Variants in SYNPR observed in about 807,000 individuals in gnomAD.
The protein encoded by SYNPR is synaptoporin.
A neutral mutation model predicts 32.9 loss-of-function variants in SYNPR; 23 were observed. That is an observed-to-expected ratio of 0.70 (90% CI 0.50 to 0.99). The LOEUF is 0.99. SYNPR is among the 50% of genes least tolerant of loss of function. The pLI, the probability that SYNPR is intolerant of heterozygous loss-of-function variation, is 0.00. For synonymous variants in SYNPR, 146 were observed against 135.9 expected (o/e 1.07, Z -0.52); for missense variants, 318 against 349.3 (o/e 0.91, Z 0.71).
At position 63,437,591 on chromosome 3, in the gene SYNPR, GAGAA is replaced by G. The variant is rs537130292; in HGVS notation, c.85-43232_85-43229del. 4.9e-5 allele frequency among the ~76,000 whole-genome samples: 7 copies of G among 143,676 alleles called. No individual in the cohort carries two copies. The South Asian group carries it at 1.5e-3, about 31-fold the overall frequency. 94.3% of individuals were successfully genotyped at this position (143,676 alleles called of 152,430 possible). On this transcript the variant is annotated intron_variant, in intron 2 of 5. Coordinates refer to ENST00000478300, the MANE Select transcript of SYNPR (RefSeq NM_001130003.2). ...GAAAGAAAGAAGAGTGAGAGAGAGAGAGAAAGAAAGAAGAAAGGAAAAAGGGAAG... is the reference window on the plus strand; with the variant it reads ...GAAAGAAAGAAGAGTGAGAGAGAGAGAGAAAGAAGAAAGGAAAAAGGGAAG...
chr3:63,373,468 A>G (rs574906892), intron 2 of SYNPR, among the ~76,000 whole-genome samples: 1 of 152,330 alleles, frequency 6.6e-6, no homozygotes, highest in South Asian at 2.1e-4. Context: ...CACCAAGCTG[A>G]GGAAACAATC....
intron 2 of SYNPR, among the ~76,000 whole-genome samples, chr3:63,296,463 G>A (rs1374628012): frequency 6.6e-6 from 1 of 152,142 alleles, no homozygotes; most frequent in Non-Finnish European, 1.5e-5. Flanking sequence ...AGGTTCTCAG[G>A]AGCCTAGTCT....
chr3:63,568,497 G>A (rs1449426566), intron 4 of SYNPR, among the ~76,000 whole-genome samples: 2 of 152,078 alleles, frequency 1.3e-5, no homozygotes, highest in African/African-American at 2.4e-5. Flanking sequence ...TAGTCCTGGC[G>A]GATGGTCAAT....
At chr3:63,361,828 G>A (rs529277227) in intron 2 of SYNPR, among the ~76,000 whole-genome samples, 1 of 150,054 alleles carries the variant, frequency 6.7e-6, no homozygotes, top group Non-Finnish European at 1.5e-5. Context: ...ATATATATAT[G>A]CATGAGTATA....
chr3:63,611,988 T>C (rs1700206480), intron 5 of SYNPR, among the ~76,000 whole-genome samples: 1 of 152,176 alleles, frequency 6.6e-6, no homozygotes, highest in African/African-American at 2.4e-5. Flanking sequence ...CCTCTACAAG[T>C]AAATGAGTCA....
At chr3:63,596,091 C>T (rs1214615875) in intron 4 of SYNPR, among the ~76,000 whole-genome samples, 1 of 149,454 alleles carries the variant, frequency 6.7e-6, no homozygotes, top group African/African-American at 2.5e-5. Flanking sequence ...GTGTGTTGCA[C>T]CCATTAACTC....
intron 2 of SYNPR, among the ~76,000 whole-genome samples, chr3:63,418,549 C>T (rs2088569258): frequency 6.6e-6 from 1 of 152,132 alleles, no homozygotes. Context: ...TAAAGACATA[C>T]CCAAGACTGG....
chr3:63,388,674 C>A (rs2088090401), intron 2 of SYNPR, among the ~76,000 whole-genome samples: 2 of 151,676 alleles, frequency 1.3e-5, no homozygotes, highest in East Asian at 2.0e-4. Flanking sequence ...CCCACCTCAG[C>A]CTCCCAAAGT....
intron 2 of SYNPR, among the ~76,000 whole-genome samples, chr3:63,256,925 C>A (rs979626821): frequency 2.0e-5 from 3 of 152,150 alleles, no homozygotes; most frequent in East Asian, 1.9e-4. Flanking sequence ...GACGAATGCA[C>A]AAGCCTCAGC....
chr3:63,506,013 C>A (rs955870904), intron 3 of SYNPR, among the ~76,000 whole-genome samples: 6 of 151,942 alleles, frequency 3.9e-5, no homozygotes, highest in Non-Finnish European at 4.4e-5. Context: ...TCATTTTTTT[C>A]TGAGTATTAA....
chr3:63,578,019 T>A (rs1703017986), intron 4 of SYNPR, among the ~76,000 whole-genome samples: 1 of 152,172 alleles, frequency 6.6e-6, no homozygotes, highest in South Asian at 2.1e-4. Flanking sequence ...GCTTACTACA[T>A]GACAGACACA....
At chr3:63,581,210 A>C (rs1703083895) in intron 4 of SYNPR, among the ~76,000 whole-genome samples, 1 of 152,154 alleles carries the variant, frequency 6.6e-6, no homozygotes, top group Admixed American at 6.6e-5. Flanking sequence ...AAACTCAACC[A>C]GTCTCTGTTC....
chr3:63,323,860 C>T (rs561680528), intron 2 of SYNPR, among the ~76,000 whole-genome samples: 1 of 152,202 alleles, frequency 6.6e-6, no homozygotes, highest in African/African-American at 2.4e-5. Context: ...TCATTTAATA[C>T]TCACAACATT....
intron 2 of SYNPR, among the ~76,000 whole-genome samples, chr3:63,355,218 G>A (rs1417561129): frequency 2.0e-5 from 3 of 151,668 alleles, no homozygotes; most frequent in African/African-American, 7.3e-5. Context: ...GGTGGAGGTT[G>A]CGGTGAGCCA....
intron 3 of SYNPR, among the ~76,000 whole-genome samples, chr3:63,526,578 G>A (rs760272520): frequency 1.3e-4 from 20 of 152,156 alleles, no homozygotes; most frequent in African/African-American, 2.9e-4. Flanking sequence ...AAGGGCAAGC[G>A]ACACTAGATT....
intron 3 of SYNPR, among the ~76,000 whole-genome samples, chr3:63,517,868 G>C (rs944857760): frequency 2.6e-5 from 4 of 152,100 alleles, no homozygotes; most frequent in African/African-American, 9.7e-5. Context: ...TACATTCTCT[G>C]TCCCTAAGAA....
At chr3:63,484,957 A>G (rs1487671918) in intron 3 of SYNPR, among the ~76,000 whole-genome samples, 1 of 152,150 alleles carries the variant, frequency 6.6e-6, no homozygotes, top group African/African-American at 2.4e-5. Context: ...GGAGTTAAAG[A>G]TGACAAAAGG....
At chr3:63,591,218 A>C (rs1402257708) in intron 4 of SYNPR, among the ~76,000 whole-genome samples, 1 of 138,100 alleles carries the variant, frequency 7.2e-6, no homozygotes, top group African/African-American at 2.8e-5. Context: ...GCTCATCATC[A>C]CTGGCCATCA....
chr3:63,430,543 C>A (rs1699974395), intron 2 of SYNPR, among the ~76,000 whole-genome samples: 1 of 152,130 alleles, frequency 6.6e-6, no homozygotes, highest in Admixed American at 6.5e-5. Flanking sequence ...CCTCCTAGAC[C>A]TTTGCATCCC....
Sources: gnomAD v4.1 joint callset for allele counts (sites outside exome capture counted in the v4.1 genomes callset) on GRCh38, gnomAD v4.1.1 for gene constraint, MANE v1.5 for transcripts, NCBI Gene and HGNC (gene_info 2026-07-23, HGNC 2026-07-21) for gene names.